CREB5: variants seen among roughly 807,000 people sequenced by gnomAD.
CREB5 encodes cAMP responsive element binding protein 5.
CREB5 carries 19 observed loss-of-function variants against 57.1 expected under a neutral mutation model. The observed-to-expected ratio is 0.33, with a 90% CI of 0.23 to 0.49. The LOEUF is 0.49. Among genes scored for constraint, CREB5 ranks in the 20% least tolerant of loss-of-function variants. CREB5 has a pLI of 0.99. For synonymous variants in CREB5, 238 were observed against 238.3 expected (o/e 1.00, Z 0.01); for missense variants, 579 against 671.6 (o/e 0.86, Z 1.52).
chr7:28,553,999 GACC>G (rs1794769449), intron 4 of CREB5, among the ~76,000 whole-genome samples: 1 of 152,152 alleles, frequency 6.6e-6, no homozygotes, highest in Admixed American at 6.5e-5. Context: ...TGCTGAACTT[GACC>G]CTCACTCCTG....
intron 7 of CREB5, among the ~76,000 whole-genome samples, chr7:28,798,348 T>C (rs2128796222): frequency 8.1e-6 from 1 of 122,800 alleles, no homozygotes; most frequent in Middle Eastern, 4.0e-3. Flanking sequence ...CACTTGCTAA[T>C]GGGAGATAAA....
chr7:28,470,112 A>C (rs1404117072), intron 1 of CREB5, among the ~76,000 whole-genome samples: 1 of 152,188 alleles, frequency 6.6e-6, no homozygotes, highest in Non-Finnish European at 1.5e-5. Flanking sequence ...TGTACAATTA[A>C]GTTATTATTG....
intron 7 of CREB5, among the ~76,000 whole-genome samples, chr7:28,766,362 C>T (rs555737029): frequency 3.9e-5 from 6 of 152,270 alleles, no homozygotes; most frequent in South Asian, 2.1e-4. Context: ...CTCCACTAGC[C>T]GTGAGCCCTT....
intron 5 of CREB5, among the ~76,000 whole-genome samples, chr7:28,576,883 T>G (rs966781048): frequency 2.0e-5 from 3 of 152,212 alleles, no homozygotes; most frequent in African/African-American, 7.2e-5. Flanking sequence ...CTCCTATTTT[T>G]GGAAAAGATA....
chr7:28,707,607 G>C (rs539306755), intron 5 of CREB5, among the ~76,000 whole-genome samples: 75 of 152,294 alleles, frequency 4.9e-4, no homozygotes, highest in Non-Finnish European at 8.2e-4. Context: ...ACTCCGAGAG[G>C]TTTGCCAGTT....
At chr7:28,777,907 C>T (rs1341908705) in intron 7 of CREB5, among the ~76,000 whole-genome samples, 8 of 152,152 alleles carry the variant, frequency 5.3e-5, no homozygotes, top group African/African-American at 1.9e-4. Context: ...CTATTGTCAA[C>T]AGAATATTTT....
At chr7:28,775,543 C>CATATATATATATATATATATATAT (rs56224961) in intron 7 of CREB5, among the ~76,000 whole-genome samples, 3,837 of 118,802 alleles carry the variant, frequency 0.032, 168 homozygotes, top group East Asian at 0.098. Flanking sequence ...ATTCCTTAGC[C>CATATATATATATATATATATATAT]ATATATATAT....
chr7:28,544,856 T>C (rs2128630353), intron 4 of CREB5, among the ~76,000 whole-genome samples: 1 of 152,266 alleles, frequency 6.6e-6, no homozygotes, highest in Non-Finnish European at 1.5e-5. Context: ...GAAAGATCCA[T>C]TAATCCAGTC....
At position 28,488,249 on chromosome 7, in the gene CREB5, G is replaced by C. The variant is rs1217809027; in HGVS notation, c.75+3G>C. The C allele has an allele frequency of 6.2e-7, 1 of 1,613,570 alleles. No homozygotes were observed. The highest frequency in any genetic ancestry group is 1.1e-5 in the South Asian group (1 of 90,988). On this transcript the variant is annotated splice_donor_region_variant and intron_variant, in intron 2 of 10. Transcript: ENST00000357727. The stretch of plus-strand genomic sequence containing the variant: ...GCAGTGCCCCAGGCTGCTCCCAGGT[G>C]AGTGTGCGGATCCTCCCTGCTCTGA...
chr7:28,622,344 G>A (rs1208380232), intron 5 of CREB5, among the ~76,000 whole-genome samples: 2 of 151,206 alleles, frequency 1.3e-5, no homozygotes, highest in African/African-American at 2.4e-5. Flanking sequence ...CATTACATCA[G>A]CCATGCAGAA....
chr7:28,657,496 C>T (rs62443834), intron 5 of CREB5, among the ~76,000 whole-genome samples: 39,691 of 151,794 alleles, frequency 0.26, 5,340 homozygotes, highest in Middle Eastern at 0.35. Flanking sequence ...TTTGGGAGGC[C>T]GAGGCAGGTG....
Position 28,825,276 on chromosome 7 carries a change from C to T in CREB5, c.*5997C>T, listed in dbSNP as rs1381835079. ...GAAAATACAACCTACTCACCTTTTT[C>T]CCTTCTAAGTTCTGCTAAATCACAT... On this transcript the variant is annotated 3_prime_UTR_variant, in exon 11 of 11. Transcript: ENST00000357727. 1.3e-5 allele frequency: 2 copies of T among 152,318 alleles called. No individual in the cohort carries two copies. Among genetic ancestry groups the T allele is most frequent in the African/African-American group, 4.8e-5 (2 of 41,422 alleles). The allele number at this position is 152,318 out of a possible 1,614,324, so 9.4% of individuals were successfully genotyped here. A position where few individuals can be genotyped will look rare whatever the true frequency, so the allele number is the denominator to read the frequency against.
intron 1 of CREB5, among the ~76,000 whole-genome samples, chr7:28,313,951 A>G (rs1202571190): frequency 1.3e-5 from 2 of 152,258 alleles, no homozygotes; most frequent in East Asian, 3.8e-4. Context: ...ATAGGTAAGC[A>G]TAAAACATTG....
At chr7:28,657,111 A>C (rs984603511) in intron 5 of CREB5, among the ~76,000 whole-genome samples, 1 of 152,196 alleles carries the variant, frequency 6.6e-6, no homozygotes, top group Non-Finnish European at 1.5e-5. Flanking sequence ...ACACCTGTCC[A>C]TCTGCAAGGC....
chr7:28,399,080 GT>G (rs1787394098), intron 1 of CREB5, among the ~76,000 whole-genome samples: 1 of 152,040 alleles, frequency 6.6e-6, no homozygotes, highest in Non-Finnish European at 1.5e-5. Flanking sequence ...CCATTTTGCA[GT>G]TGCTAAACTA....
chr7:28,550,493 C>T (rs140225652), intron 4 of CREB5, among the ~76,000 whole-genome samples: 2 of 152,304 alleles, frequency 1.3e-5, no homozygotes, highest in African/African-American at 4.8e-5. Context: ...CTTTGCTTTA[C>T]AGTTTAAAAG....
chr7:28,626,708 G>A (rs1447188691), intron 5 of CREB5, among the ~76,000 whole-genome samples: 1 of 152,126 alleles, frequency 6.6e-6, no homozygotes, highest in African/African-American at 2.4e-5. Context: ...GGGAGAGAAG[G>A]AAGAGCTATT....
intron 5 of CREB5, among the ~76,000 whole-genome samples, chr7:28,636,644 C>T (rs932758621): frequency 1.3e-5 from 2 of 152,190 alleles, no homozygotes; most frequent in Non-Finnish European, 2.9e-5. Context: ...AATAAATTAT[C>T]ATAGTCATCC....
chr7:28,421,894 C>CAT (rs1788277504), intron 1 of CREB5, among the ~76,000 whole-genome samples: 1 of 130,628 alleles, frequency 7.7e-6, no homozygotes, highest in Non-Finnish European at 1.6e-5. Context: ...TATAAAATAC[C>CAT]ATATATATAG....
Sources: gnomAD v4.1 joint callset for allele counts (sites outside exome capture counted in the v4.1 genomes callset) on GRCh38, gnomAD v4.1.1 for gene constraint, MANE v1.5 for transcripts, NCBI Gene and HGNC (gene_info 2026-07-23, HGNC 2026-07-21) for gene names.